GRIP1: variants seen among roughly 807,000 people sequenced by gnomAD.
The protein encoded by GRIP1 is glutamate receptor-interacting protein 1.
Under a neutral mutation model 129.9 loss-of-function variants are expected in GRIP1, and 45 were observed. That is an observed-to-expected ratio of 0.35 (90% CI 0.27 to 0.44). GRIP1 has a LOEUF of 0.44. GRIP1 is among the 20% of genes least tolerant of loss of function. GRIP1 has a pLI of 1.00. For missense variants in GRIP1, 1,196 were observed against 1,396.8 expected (o/e 0.86, Z 2.29); for synonymous variants, 530 against 520.8 (o/e 1.02, Z -0.24).
chr12:66,562,955 G>C (rs1469123865), intron 2 of GRIP1, among the ~76,000 whole-genome samples: 1 of 151,454 alleles, frequency 6.6e-6, no homozygotes, highest in Admixed American at 6.6e-5. Context: ...AAGTGGAAGA[G>C]GATCATCATA....
chr12:66,478,530 A>G (rs2059694444), intron 7 of GRIP1, among the ~76,000 whole-genome samples: 2 of 152,196 alleles, frequency 1.3e-5, no homozygotes, highest in South Asian at 4.1e-4. Context: ...ATTACTGGAT[A>G]TATACCCAAA....
chr12:66,406,857 C>T (rs555482567), intron 15 of GRIP1, among the ~76,000 whole-genome samples: 15 of 152,206 alleles, frequency 9.9e-5, no homozygotes, highest in African/African-American at 3.6e-4. Context: ...TAGTGGAAGC[C>T]TAAGGCTTGC....
intron 2 of GRIP1, among the ~76,000 whole-genome samples, chr12:66,564,452 T>G (rs891024882): frequency 1.8e-3 from 275 of 152,148 alleles, no homozygotes; most frequent in African/African-American, 6.4e-3. Flanking sequence ...CAAAAGACAT[T>G]AACTCATCGT....
At chr12:66,524,199 CT>C (rs1216642791) in intron 5 of GRIP1, among the ~76,000 whole-genome samples, 2 of 152,188 alleles carry the variant, frequency 1.3e-5, no homozygotes, top group East Asian at 3.8e-4. Flanking sequence ...CTACAGAACT[CT>C]CCACCCCAAA....
chr12:66,455,760 A>C (rs573285696), intron 10 of GRIP1, among the ~76,000 whole-genome samples, 196 bp from the exon 11 acceptor site: 1 of 152,244 alleles, frequency 6.6e-6, no homozygotes, highest in Non-Finnish European at 1.5e-5. Context: ...GAGGGGCAGC[A>C]GGATCTTTAT....
In GRIP1 at chr12:66,539,087, G is replaced by A; in HGVS notation, c.409C>T (p.Pro137Ser). ...GGGCTACTGTACTTACAGACCGGTG[G>A]AAGCTCGTACTCTACTTCAAGAACC... is the stretch of plus-strand genomic sequence containing the variant. ...RVVLEVEYELPPVSVQGSSVI... is the reference protein window; with the variant it reads ...RVVLEVEYELSPVSVQGSSVI... The change falls in exon 4 of 25, where the codon CCA becomes TCA. Residue 137 changes from proline to serine, a missense_variant. By Grantham distance (74) the Pro-to-Ser change is moderately conservative. Coordinates refer to ENST00000359742, the MANE Select transcript of GRIP1 (RefSeq NM_001366722.1). The A allele has an allele frequency of 1.2e-6, 2 of 1,613,864 alleles. No individual in the cohort carries two copies. The highest frequency in any genetic ancestry group is 1.7e-6 in the Non-Finnish European group (2 of 1,179,824).
At chr12:66,593,624 G>A (rs1349271907) in intron 2 of GRIP1, among the ~76,000 whole-genome samples, 2 of 152,140 alleles carry the variant, frequency 1.3e-5, no homozygotes, top group African/African-American at 4.8e-5. Flanking sequence ...AGCTTAAGGT[G>A]CCTTCTGCTA....
At chr12:66,871,422 T>C (rs545470815) in intron 1 of GRIP1, among the ~76,000 whole-genome samples, 11 of 152,228 alleles carry the variant, frequency 7.2e-5, no homozygotes, top group African/African-American at 2.6e-4. Flanking sequence ...TAGATCCACA[T>C]TGCAGTACTG....
At chr12:66,616,862 G>A (rs562155078) in intron 1 of GRIP1, among the ~76,000 whole-genome samples, 1 of 152,198 alleles carries the variant, frequency 6.6e-6, no homozygotes, top group East Asian at 1.9e-4. Flanking sequence ...CCCAGAACAA[G>A]GACCACCTGC....
chr12:66,729,105 C>T (rs1468999398), intron 1 of GRIP1, among the ~76,000 whole-genome samples: 1 of 150,446 alleles, frequency 6.6e-6, no homozygotes, highest in Non-Finnish European at 1.5e-5. Context: ...CCAGGCTAGA[C>T]TTAAACTCCT....
At chr12:66,462,483 A>G (rs1296486144) in intron 9 of GRIP1, among the ~76,000 whole-genome samples, 1 of 152,204 alleles carries the variant, frequency 6.6e-6, no homozygotes, top group African/African-American at 2.4e-5. Context: ...ATCAAATAGC[A>G]CTAGCCTGAA....
chr12:66,589,618 A>G (rs548383678), intron 2 of GRIP1, among the ~76,000 whole-genome samples: 1 of 152,342 alleles, frequency 6.6e-6, no homozygotes, highest in East Asian at 1.9e-4. Context: ...ATTTATTTAT[A>G]TTAGAAAAAT....
chr12:66,862,284 T>G (rs868018165), intron 1 of GRIP1, among the ~76,000 whole-genome samples: 39 of 152,064 alleles, frequency 2.6e-4, no homozygotes, highest in Non-Finnish European at 1.3e-4. Flanking sequence ...ATAGGTACTT[T>G]AGAGGAACAT....
intron 7 of GRIP1, among the ~76,000 whole-genome samples, chr12:66,511,075 A>G (rs976264287): frequency 1.3e-5 from 2 of 152,144 alleles, no homozygotes; most frequent in Non-Finnish European, 2.9e-5. Flanking sequence ...TGTTGTGGGA[A>G]GGGCATGGTG....
At chr12:66,906,440 T>A (rs1019621099) in intron 1 of GRIP1, among the ~76,000 whole-genome samples, 59 of 151,988 alleles carry the variant, frequency 3.9e-4, no homozygotes, top group East Asian at 3.5e-3. Context: ...CAAAAAAAAA[T>A]AAAATAAGGT....
chr12:66,845,176 T>C (rs1297347632), intron 1 of GRIP1, among the ~76,000 whole-genome samples: 1 of 152,010 alleles, frequency 6.6e-6, no homozygotes, highest in African/African-American at 2.4e-5. Flanking sequence ...CAATATAGGG[T>C]CTGGGCATGG....
chr12:66,627,768 G>T (rs56244804), intron 1 of GRIP1, among the ~76,000 whole-genome samples: 2,386 of 152,218 alleles, frequency 0.016, 34 homozygotes, highest in Non-Finnish European at 0.024. Context: ...GACATAGCAG[G>T]ACTCGACTTG....
chr12:66,348,842 C>A lies in GRIP1; in HGVS notation c.*177G>T. ...ACCATAGTGGTCACCAAAAAAGAAA[C>A]CTCTTCAACTTGAAAAGGGAAGTGA... On this transcript the variant is annotated 3_prime_UTR_variant, in exon 25 of 25. Coordinates refer to ENST00000359742, the MANE Select transcript of GRIP1 (RefSeq NM_001366722.1). 2 of 648,522 alleles carry A rather than the reference C, an allele frequency of 3.1e-6. No individual in the cohort carries two copies. Among genetic ancestry groups the A allele is most frequent in the Non-Finnish European group, 5.5e-6 (2 of 363,548 alleles). The allele number at this position is 648,522 out of a possible 1,614,324, so 40.2% of individuals were successfully genotyped here. A position where few individuals can be genotyped will look rare whatever the true frequency, so the allele number is the denominator to read the frequency against.
intron 4 of GRIP1, among the ~76,000 whole-genome samples, chr12:66,536,963 G>A (rs1271794162): frequency 6.6e-6 from 1 of 152,058 alleles, no homozygotes; most frequent in Admixed American, 6.6e-5. Flanking sequence ...GGTGGTGCTA[G>A]AACAGCATAA....
Sources: gnomAD v4.1 joint callset for allele counts (sites outside exome capture counted in the v4.1 genomes callset) on GRCh38, gnomAD v4.1.1 for gene constraint, MANE v1.5 for transcripts, NCBI Gene and HGNC (gene_info 2026-07-23, HGNC 2026-07-21) for gene names.